Variants in PCDHA1 observed in about 807,000 individuals in gnomAD.
PCDHA1 encodes protocadherin alpha-1.
Under a neutral mutation model 61.3 loss-of-function variants are expected in PCDHA1, and 42 were observed. The observed-to-expected ratio is 0.69, with a 90% CI of 0.54 to 0.89. PCDHA1 has a LOEUF of 0.89. PCDHA1 is among the 40% of genes least tolerant of loss of function. The pLI is 0.00. For synonymous variants in PCDHA1, 610 were observed against 553.8 expected, an observed-to-expected ratio of 1.10 and a Z score of -1.43; for missense variants, 1,256 against 1,235.3, an observed-to-expected ratio of 1.02 and a Z score of -0.25.
At position 140,850,397 on chromosome 5, in the gene PCDHA1, G is replaced by C. The variant is rs143469399; in HGVS notation, c.2394+61713G>C. ...TGTACACGGGCGAGATCAGCACAAC[G>C]CGTGCCCTGGACGAAACGGACGCAC... On this transcript the variant is annotated intron_variant, in intron 1 of 3. Transcript: ENST00000504120. 45 of 1,597,958 alleles carry C rather than the reference G, an allele frequency of 2.8e-5. 5 individuals are homozygous for C. In the African/African-American group the frequency reaches 5.4e-4, roughly 19 times the overall value.
chr5:140,966,290 G>A (rs2095989541), intron 1 of PCDHA1: 3 of 375,186 alleles, frequency 8.0e-6, no homozygotes, highest in Non-Finnish European at 1.4e-5. Flanking sequence ...GGGGTAGGGA[G>A]AAAGGGAGTG....
intron 1 of PCDHA1, chr5:140,870,820 G>A (rs1554164732): frequency 6.2e-7 from 1 of 1,613,748 alleles, no homozygotes; most frequent in Non-Finnish European, 8.5e-7. Context: ...TGGCAGCGCG[G>A]GAGGCGCAGT....
chr5:140,869,204 C>G (rs199956165), intron 1 of PCDHA1: 29 of 1,613,960 alleles, frequency 1.8e-5, no homozygotes, highest in Non-Finnish European at 2.4e-5. Flanking sequence ...CTCCACTACT[C>G]CGTCTCGGAG....
At chr5:140,815,072 A>G (rs1396977561) in intron 1 of PCDHA1, 2 of 152,148 alleles carry the variant, frequency 1.3e-5, no homozygotes, top group Non-Finnish European at 2.9e-5. Context: ...CAGGCTATCC[A>G]GGTCTTTAAA....
At chr5:140,822,349 G>A (rs2150115734) in intron 1 of PCDHA1, 3 of 1,614,156 alleles carry the variant, frequency 1.9e-6, no homozygotes, top group Admixed American at 3.3e-5. Flanking sequence ...GAACTTTTTA[G>A]AGCTGGTTTT....
At chr5:140,888,983 T>C (rs193278447) in intron 1 of PCDHA1, among the ~76,000 whole-genome samples, 22 of 152,266 alleles carry the variant, frequency 1.4e-4, no homozygotes, top group African/African-American at 5.1e-4. Flanking sequence ...AATTTATGAT[T>C]TATGATTTTC....
intron 1 of PCDHA1, among the ~76,000 whole-genome samples, chr5:140,878,611 T>A (rs1167613009): frequency 2.0e-5 from 3 of 152,236 alleles, no homozygotes; most frequent in Non-Finnish European, 4.4e-5. Context: ...TCTTCTAATG[T>A]GCATTTTACA....
chr5:140,855,822 A>G (rs1409014183), intron 1 of PCDHA1: 5 of 538,132 alleles, frequency 9.3e-6, no homozygotes, highest in South Asian at 3.1e-5. Flanking sequence ...TTGTGAACTC[A>G]TGGAATCGTA....
At position 140,858,590 on chromosome 5, in the gene PCDHA1, C is replaced by T. The variant is rs781927983; in HGVS notation, c.2394+69906C>T. 16 of 1,324,580 alleles carry T rather than the reference C, an allele frequency of 1.2e-5. No homozygotes were observed. In the South Asian group the frequency reaches 2.3e-4, roughly 19 times the overall value. The allele number at this position is 1,324,580 out of a possible 1,614,324, so 82.1% of individuals were successfully genotyped here. A position where few individuals can be genotyped will look rare whatever the true frequency, so the allele number is the denominator to read the frequency against. ...TGATACCTTTGTAATATAATTTATTCCAGGAGTTTTAAAATTTTTTTATCC... is the reference window on the plus strand; with the variant it reads ...TGATACCTTTGTAATATAATTTATTTCAGGAGTTTTAAAATTTTTTTATCC... On this transcript the variant is annotated intron_variant, in intron 1 of 3. Transcript: ENST00000504120.
intron 1 of PCDHA1, among the ~76,000 whole-genome samples, chr5:140,906,473 A>G (rs2072671241): frequency 6.6e-6 from 1 of 152,214 alleles, no homozygotes. Flanking sequence ...TCTTAGTACA[A>G]ATGTATAAAT....
intron 1 of PCDHA1, among the ~76,000 whole-genome samples, chr5:140,793,461 C>T (rs956617919): frequency 6.6e-6 from 1 of 152,088 alleles, no homozygotes; most frequent in Non-Finnish European, 1.5e-5. Context: ...AGATACTGTA[C>T]ATGAGGGAAA....
At chr5:140,882,987 CG>C in intron 1 of PCDHA1, 1 of 1,614,110 alleles carries the variant, frequency 6.2e-7, no homozygotes, top group South Asian at 1.1e-5. Flanking sequence ...GACAACGCCC[CG>C]GAATTTTACC....
At position 140,853,114 on chromosome 5, in the gene PCDHA1, C is replaced by T. The variant is rs2150528456; in HGVS notation, c.2394+64430C>T. 11 of 456,802 alleles carry T rather than the reference C, an allele frequency of 2.4e-5. 1 individual carries two copies. The highest frequency in any genetic ancestry group is 1.1e-3 in the Middle Eastern group (1 of 920). The allele number at this position is 456,802 out of a possible 1,614,324, so 28.3% of individuals were successfully genotyped here. On this transcript the variant is annotated intron_variant, in intron 1 of 3. Coordinates refer to ENST00000504120, the MANE Select transcript of PCDHA1 (RefSeq NM_018900.4). ...CAGGATGGTCTCGATCTCCTGACCT[C>T]ATGATCCTCCCGCCTCAGCCTCCCA...
At chr5:140,977,862 A>G (rs142967836) in intron 1 of PCDHA1, among the ~76,000 whole-genome samples, 3 of 152,372 alleles carry the variant, frequency 2.0e-5, no homozygotes, top group African/African-American at 7.2e-5. Context: ...TCTACCAAAT[A>G]TGGTAAGTAT....
intron 1 of PCDHA1, among the ~76,000 whole-genome samples, chr5:140,839,198 C>A (rs1030704020): frequency 1.9e-5 from 2 of 106,890 alleles, no homozygotes; most frequent in African/African-American, 9.0e-5. Context: ...CTATAAATAT[C>A]TTTGACCTTC....
In PCDHA1 at chr5:140,830,639, G is replaced by A. The variant is rs1157735992; in HGVS notation, c.2394+41955G>A. The A allele has an allele frequency of 8.1e-6, 4 of 496,850 alleles. No homozygotes were observed. In the South Asian group the frequency reaches 1.8e-4, roughly 23 times the overall value. The allele number at this position is 496,850 out of a possible 1,614,324, so 30.8% of individuals were successfully genotyped here. A position where few individuals can be genotyped will look rare whatever the true frequency, so the allele number is the denominator to read the frequency against. ...TTGTGTTTCTTATTTTAATCTCTTT[G>A]CTTCTTTAATATTCATAATTTAAGT... On this transcript the variant is annotated intron_variant, in intron 1 of 3. Coordinates refer to ENST00000504120, the MANE Select transcript of PCDHA1 (RefSeq NM_018900.4).
At chr5:140,817,480 C>T (rs1051531219) in intron 1 of PCDHA1, 1 of 152,168 alleles carries the variant, frequency 6.6e-6, no homozygotes, top group African/African-American at 2.4e-5. Flanking sequence ...CCTCTGTTAT[C>T]TTTTTAAGCT....
intron 1 of PCDHA1, chr5:140,809,632 G>T: frequency 6.7e-7 from 1 of 1,502,482 alleles, no homozygotes; most frequent in South Asian, 1.4e-5. Flanking sequence ...CAACTTCTTC[G>T]TAAATTTATT....
intron 1 of PCDHA1, chr5:140,795,446 A>T (rs1554119441): frequency 6.2e-7 from 1 of 1,614,182 alleles, no homozygotes; most frequent in Non-Finnish European, 8.5e-7. Flanking sequence ...TCTGATGCAG[A>T]TATAGGAGTA....
Sources: gnomAD v4.1 joint callset for allele counts (sites outside exome capture counted in the v4.1 genomes callset) on GRCh38, gnomAD v4.1.1 for gene constraint, MANE v1.5 for transcripts, NCBI Gene and HGNC (gene_info 2026-07-23, HGNC 2026-07-21) for gene names.